The following GNPTAB variants were observed in gnomAD, a reference collection of about 807,000 sequenced individuals.
GNPTAB encodes the protein N-acetylglucosamine-1-phosphate transferase subunits alpha and beta.
A neutral mutation model predicts 136.6 loss-of-function variants in GNPTAB; 92 were observed. The ratio of observed to expected loss-of-function variants is 0.67; its 90% CI spans 0.57 to 0.80. The LOEUF (loss-of-function observed/expected upper bound fraction) is 0.80. Ranked by LOEUF, GNPTAB falls within the 30% of genes least tolerant of loss-of-function variation. The pLI, the probability that GNPTAB is intolerant of heterozygous loss-of-function variation, is 0.00. For missense variants in GNPTAB, 1,343 were observed against 1,501.8 expected (o/e 0.89, Z 1.75); for synonymous variants, 512 against 535.1 (o/e 0.96, Z 0.60).
At chr12:101,773,401 G>A (rs1406434032) in intron 7 of GNPTAB, 9 of 278,620 alleles carry the variant, frequency 3.2e-5, no homozygotes, top group Non-Finnish European at 5.0e-5. Context: ...CCCGAAGCTC[G>A]TTCACTTTGC....
chr12:101,754,589 G>A lies in GNPTAB; in HGVS notation c.3435-1050C>T, dbSNP rs190377757. Among the ~76,000 whole-genome samples the A allele has an allele frequency of 1.4e-4, 21 of 152,246 alleles. 1 individual carries two copies. The East Asian group carries it at 2.7e-3, about 20-fold the overall frequency. ...TGCTTACTATGTCTCTAACCAAGCTGTAAGATGCTACAGTTCTGGCAAAAA... is the reference window on the plus strand; with the variant it reads ...TGCTTACTATGTCTCTAACCAAGCTATAAGATGCTACAGTTCTGGCAAAAA... On this transcript the variant is annotated intron_variant, in intron 18 of 20. Transcript: ENST00000299314.
intron 1 of GNPTAB, among the ~76,000 whole-genome samples, chr12:101,803,479 C>G (rs771022684): frequency 3.9e-5 from 6 of 152,152 alleles, no homozygotes; most frequent in Non-Finnish European, 8.8e-5. Context: ...ATTAGGAGTT[C>G]AATGGTTATT....
intron 19 of GNPTAB, among the ~76,000 whole-genome samples, chr12:101,753,119 T>A (rs569606898): frequency 1.3e-5 from 2 of 152,048 alleles, no homozygotes; most frequent in Non-Finnish European, 2.9e-5. Flanking sequence ...CTGGGCTTCG[T>A]GGCATATGCC....
intron 1 of GNPTAB, among the ~76,000 whole-genome samples, chr12:101,826,958 T>TG (rs1566104281): frequency 7.5e-6 from 1 of 133,724 alleles, no homozygotes; most frequent in Non-Finnish European, 1.6e-5. Context: ...TTGTTTTTTT[T>TG]TTTTTTTTTT....
intron 1 of GNPTAB, among the ~76,000 whole-genome samples, chr12:101,821,411 T>A (rs1434118551): frequency 1.3e-5 from 2 of 152,194 alleles, no homozygotes; most frequent in African/African-American, 2.4e-5. Flanking sequence ...AGCAAATAAG[T>A]TTCATCTCCC....
In GNPTAB at chr12:101,753,370, A is replaced by G; in HGVS notation, c.3602+2T>C. 6.2e-7 allele frequency: 1 copy of G among 1,611,252 alleles called. No homozygotes were observed. Among genetic ancestry groups the G allele is most frequent in the African/African-American group, 1.3e-5 (1 of 74,460 alleles). ...ATGCATATATAAAACATGAGAATTT[A>G]CCATTCCTGCAGCTCATGCATATGA... On this transcript the variant is annotated splice_donor_variant, in intron 19 of 20. Transcript: ENST00000299314. LOFTEE classifies it high-confidence loss of function.
intron 1 of GNPTAB, among the ~76,000 whole-genome samples, chr12:101,816,979 G>C (rs1870539290): frequency 6.6e-6 from 1 of 152,174 alleles, no homozygotes; most frequent in Admixed American, 6.5e-5. Context: ...TCACTCATAT[G>C]TGGGAGCTAA....
chr12:101,827,388 A>G (rs1053939374), intron 1 of GNPTAB, among the ~76,000 whole-genome samples: 17 of 151,928 alleles, frequency 1.1e-4, no homozygotes, highest in African/African-American at 3.9e-4. Context: ...GGTGTGAGCC[A>G]CCACGCCCAG....
chr12:101,761,390 T>G (rs750770809), intron 14 of GNPTAB, 44 bp from the exon 15 acceptor site: 1 of 1,569,314 alleles, frequency 6.4e-7, no homozygotes, highest in Admixed American at 1.7e-5. Context: ...ATTCAAAGTA[T>G]GTACCGTATC....
At chr12:101,786,418 A>G (rs1277392274) in intron 4 of GNPTAB, among the ~76,000 whole-genome samples, 1 of 152,246 alleles carries the variant, frequency 6.6e-6, no homozygotes, top group African/African-American at 2.4e-5. Context: ...CCAACTCCAA[A>G]GATAGAGCTT....
intron 1 of GNPTAB, among the ~76,000 whole-genome samples, chr12:101,811,457 G>A (rs1870230572): frequency 6.6e-6 from 1 of 150,520 alleles, no homozygotes. Context: ...AACTACCTAA[G>A]ACTGAGTAAT....
chr12:101,782,156 T>C (rs1238548215), intron 5 of GNPTAB, among the ~76,000 whole-genome samples: 1 of 152,214 alleles, frequency 6.6e-6, no homozygotes, highest in Non-Finnish European at 1.5e-5. Flanking sequence ...TAAGAGACTA[T>C]GGATTTCCCA....
At position 101,746,390 on chromosome 12, in the gene GNPTAB, G is replaced by T. The variant is rs984207542; in HGVS notation, c.*774C>A. On this transcript the variant is annotated 3_prime_UTR_variant, in exon 21 of 21. Transcript: ENST00000299314. ...CAGCACTACTCATTTCTAAAATGAG[G>T]CACTTCTGTTTGAATATGTACATTT... The T allele has an allele frequency of 6.6e-6, 1 of 152,196 alleles. No homozygotes were observed. Among genetic ancestry groups the T allele is most frequent in the African/African-American group, 2.4e-5 (1 of 41,448 alleles). 9.4% of individuals were successfully genotyped at this position (152,196 alleles called of 1,614,324 possible).
At chr12:101,772,940 C>T (rs1408591753) in intron 7 of GNPTAB, among the ~76,000 whole-genome samples, 1 of 152,152 alleles carries the variant, frequency 6.6e-6, no homozygotes, top group African/African-American at 2.4e-5. Context: ...CCTCAGACTC[C>T]CGAGTAGCTG....
chr12:101,812,688 G>C (rs530852839), intron 1 of GNPTAB, among the ~76,000 whole-genome samples: 189 of 152,294 alleles, frequency 1.2e-3, no homozygotes, highest in Middle Eastern at 3.4e-3. Flanking sequence ...GAGACCAGGA[G>C]GCTGAGGCTG....
intron 13 of GNPTAB, among the ~76,000 whole-genome samples, chr12:101,763,819 T>A (rs1257237883): frequency 1.3e-5 from 2 of 152,226 alleles, no homozygotes; most frequent in African/African-American, 4.8e-5. Flanking sequence ...TGTTATAATG[T>A]TGGGGAAGCG....
chr12:101,805,704 A>T (rs904979851), intron 1 of GNPTAB, among the ~76,000 whole-genome samples: 4 of 151,952 alleles, frequency 2.6e-5, no homozygotes, highest in African/African-American at 4.9e-5. Context: ...TTATTTTTTT[A>T]AAAAATAGCT....
At position 101,766,171 on chromosome 12, in the gene GNPTAB, T is replaced by C. The variant is rs746301746; in HGVS notation, c.1532A>G (p.Asn511Ser). The C allele has an allele frequency of 1.2e-6, 2 of 1,614,092 alleles. No individual in the cohort carries two copies. The highest frequency in any genetic ancestry group is 1.7e-6 in the Non-Finnish European group (2 of 1,179,996). The stretch of plus-strand genomic sequence containing the variant: ...ACAGAACTTATCAGCGAGCCAGGAA[T>C]TCGCACATCCCTGATTACAGTAAGA... ...SVSYCNQGCA[N>S]SWLADKFCDQ... Residue 511 changes from asparagine to serine, a missense_variant, in exon 12 of 21, where the codon AAT becomes AGT. Transcript: ENST00000299314.
intron 1 of GNPTAB, among the ~76,000 whole-genome samples, chr12:101,815,200 T>C (rs2137179928): frequency 6.6e-6 from 1 of 152,276 alleles, no homozygotes; most frequent in South Asian, 2.1e-4. Context: ...CCCAAGTAGT[T>C]GTGACTACAG....
Sources: gnomAD v4.1 joint callset for allele counts (sites outside exome capture counted in the v4.1 genomes callset) on GRCh38, gnomAD v4.1.1 for gene constraint, MANE v1.5 for transcripts, NCBI Gene and HGNC (gene_info 2026-07-23, HGNC 2026-07-21) for gene names.